GLOD4: variants seen among roughly 807,000 people sequenced by gnomAD.
The protein encoded by GLOD4 is glyoxalase domain-containing protein 4.
Under a neutral mutation model 39.1 loss-of-function variants are expected in GLOD4, and 44 were observed. The ratio of observed to expected loss-of-function variants is 1.13; its 90% CI spans 0.88 to 1.45. GLOD4 has a LOEUF of 1.45. GLOD4 is among the 40% of genes most tolerant of loss of function. The pLI, the probability that GLOD4 is intolerant of heterozygous loss-of-function variation, is 0.00. For missense variants in GLOD4, 405 were observed against 366.4 expected (o/e 1.11, Z -0.86); for synonymous variants, 145 against 135.0 (o/e 1.07, Z -0.52).
At chr17:769,989 G>T (rs780970288) in intron 7 of GLOD4, 34 bp from the exon 8 acceptor site, 1 of 1,566,094 alleles carries the variant, frequency 6.4e-7, no homozygotes, top group East Asian at 2.2e-5. Context: ...ACCTGCCAAA[G>T]ACATCCTTGA....
intron 8 of GLOD4, among the ~76,000 whole-genome samples, chr17:768,893 A>G (rs1484747769): frequency 6.8e-6 from 1 of 147,852 alleles, no homozygotes; most frequent in African/African-American, 2.5e-5. Context: ...GATGTGAGAG[A>G]GAGAAACAGC....
At chr17:761,179 G>A (rs1026880568) in intron 8 of GLOD4, among the ~76,000 whole-genome samples, 23 of 152,194 alleles carry the variant, frequency 1.5e-4, no homozygotes, top group Non-Finnish European at 3.2e-4. Context: ...ACGCATGTGT[G>A]TGTCTTGAAG....
chr17:774,199 C>A (rs190481768), intron 4 of GLOD4, among the ~76,000 whole-genome samples: 83 of 152,334 alleles, frequency 5.4e-4, no homozygotes, highest in African/African-American at 1.9e-3. Context: ...ACAGCCAAGT[C>A]TAGCCTCCCA....
Position 775,815 on chromosome 17 carries a change from T to C in GLOD4, c.366A>G (p.Gly122=). The change falls in exon 4 of 9, where the codon GGA becomes GGG. Residue 122 remains glycine, a synonymous_variant. Transcript: ENST00000301329. The part of the protein sequence containing the change: ...EGVFETEAPG[G]YKFYLQNRSL... ...TGCGATTCTGCAAATAGAACTTATATCCTCCCGGGGCCTCGGTTTCAAAAA... is the reference window on the plus strand; with the variant it reads ...TGCGATTCTGCAAATAGAACTTATACCCTCCCGGGGCCTCGGTTTCAAAAA... The C allele has an allele frequency of 6.2e-7, 1 of 1,614,050 alleles. No homozygotes were observed. Among genetic ancestry groups the C allele is most frequent in the Non-Finnish European group, 8.5e-7 (1 of 1,179,924 alleles).
At chr17:783,461 G>A (rs542123644), upstream of GLOD4, 31 of 859,056 alleles carry the variant, frequency 3.6e-5, no homozygotes, top group African/African-American at 3.6e-4. Flanking sequence ...CTCAGCCTCC[G>A]CAGTAGCTGG....
intron 3 of GLOD4, among the ~76,000 whole-genome samples, chr17:776,533 C>T (rs940712376): frequency 7.2e-5 from 11 of 152,168 alleles, no homozygotes; most frequent in Non-Finnish European, 1.0e-4. Context: ...TCATTTCACT[C>T]GGTGACTTAC....
At chr17:784,511 G>A (rs1333672740), upstream of GLOD4, among the ~76,000 whole-genome samples, 3 of 152,214 alleles carry the variant, frequency 2.0e-5, no homozygotes, top group Non-Finnish European at 2.9e-5. Flanking sequence ...CTTGTCACTT[G>A]GGGCAGGTGT....
chr17:762,464 T>G (rs1471999797), intron 8 of GLOD4, among the ~76,000 whole-genome samples: 1 of 145,060 alleles, frequency 6.9e-6, no homozygotes, highest in African/African-American at 2.6e-5. Context: ...TGAAGGGGAA[T>G]AATTTCATCA....
intron 6 of GLOD4, 37 bp from the exon 7 acceptor site, chr17:770,194 C>T: frequency 8.9e-7 from 1 of 1,129,212 alleles, no homozygotes; most frequent in Non-Finnish European, 1.3e-6. Flanking sequence ...CCAGGGGTCA[C>T]ACACTACTCA....
intron 5 of GLOD4, 47 bp from the exon 6 acceptor site, chr17:770,554 T>C (rs1907775747): frequency 2.3e-6 from 2 of 851,422 alleles, no homozygotes; most frequent in African/African-American, 3.3e-5. Context: ...TATACATTCA[T>C]TACACGTATG....
intron 4 of GLOD4, among the ~76,000 whole-genome samples, chr17:775,260 C>CAA (rs113281349): frequency 3.6e-5 from 5 of 140,834 alleles, no homozygotes; most frequent in African/African-American, 1.3e-4. Flanking sequence ...GACAGAGTCT[C>CAA]AAAAAAAAAA....
Position 780,917 on chromosome 17 carries a change from C to CTT in GLOD4, c.90+1247_90+1248dup, listed in dbSNP as rs897931602. On this transcript the variant is annotated intron_variant, in intron 1 of 8. Transcript: ENST00000301329. ...CTATACATATAATAAGGTGTTGAATCTTTTTTTTTTTTTTTTTTTTGAGAC... is the reference window on the plus strand; with the variant it reads ...CTATACATATAATAAGGTGTTGAATCTTTTTTTTTTTTTTTTTTTTTTGAGAC... Among the ~76,000 whole-genome samples the CTT allele has an allele frequency of 2.0e-3, 245 of 120,810 alleles. 1 individual carries two copies. The highest frequency in any genetic ancestry group is 6.0e-3 in the Admixed American group (67 of 11,124). The allele number at this position is 120,810 out of a possible 152,430, so 79.3% of individuals were successfully genotyped here.
At chr17:779,147 T>C (rs1909429398) in intron 1 of GLOD4, among the ~76,000 whole-genome samples, 1 of 151,674 alleles carries the variant, frequency 6.6e-6, no homozygotes, top group South Asian at 2.1e-4. Context: ...AAACCCCGTC[T>C]CAACTAAAAA....
chr17:768,722 TG>T (rs1785383654), intron 8 of GLOD4, among the ~76,000 whole-genome samples: 1 of 28,426 alleles, frequency 3.5e-5, no homozygotes, highest in African/African-American at 1.4e-4. Flanking sequence ...GGAGAGGACG[TG>T]AGAGAGAGAA....
rs928840731 is a variant in GLOD4 at position 761,793 on chromosome 17, C to T, written c.832-1555G>A. On this transcript the variant is annotated intron_variant, in intron 8 of 8. Coordinates refer to ENST00000301329, the MANE Select transcript of GLOD4 (RefSeq NM_016080.4). Reference sequence around the variant, plus strand: ...TGCTGGGATTACAGGGGTGAGCCATCGCGCCCGGCTGAACCTAAGAAAGCT... The same window carrying T: ...TGCTGGGATTACAGGGGTGAGCCATTGCGCCCGGCTGAACCTAAGAAAGCT... Among the ~76,000 whole-genome samples the T allele has an allele frequency of 3.3e-5, 5 of 152,114 alleles. No individual in the cohort carries two copies. The East Asian group carries it at 5.8e-4, about 18-fold the overall frequency.
In GLOD4 at chr17:782,214, T is replaced by A. The variant is rs1472376554; in HGVS notation, c.42A>T (p.Gly14=). ...AGAAACGCGCCGTCTGGAAGCGGTT[T>A]CCCACTTTGAATACGAAGTGCAGAG... ...RRALHFVFKV[G]NRFQTARFYR... The change falls in exon 1 of 9, where the codon GGA becomes GGT. Residue 14 remains glycine, a synonymous_variant. Transcript: ENST00000301329. The A allele has an allele frequency of 1.9e-6, 3 of 1,613,438 alleles. No homozygotes were observed. Among genetic ancestry groups the A allele is most frequent in the Non-Finnish European group, 2.5e-6 (3 of 1,179,754 alleles).
chr17:760,056 A>G lies in GLOD4; in HGVS notation c.*117T>C, dbSNP rs1905190466. 9 of 709,526 alleles carry G rather than the reference A, an allele frequency of 1.3e-5. No homozygotes were observed. Among genetic ancestry groups the G allele is most frequent in the Non-Finnish European group, 1.8e-5 (7 of 388,408 alleles). The allele number at this position is 709,526 out of a possible 1,614,324, so 44.0% of individuals were successfully genotyped here. On this transcript the variant is annotated 3_prime_UTR_variant, in exon 9 of 9. Transcript: ENST00000301329. Reference sequence around the variant, plus strand: ...TGAAATACACAAATCTGCACTACCCAAGCCTCCTTGCCTGTACGGGAAACA... The same window carrying G: ...TGAAATACACAAATCTGCACTACCCGAGCCTCCTTGCCTGTACGGGAAACA...
At position 770,050 on chromosome 17, in the gene GLOD4, G is replaced by C. The variant is rs112396332; in HGVS notation, c.738C>G (p.Ala246=). The C allele has an allele frequency of 0.012, 19,360 of 1,602,398 alleles. 148 individuals are homozygous for C. Among genetic ancestry groups the C allele is most frequent in the Non-Finnish European group, 0.015 (17,102 of 1,169,340 alleles). ...CTGCCTGAGAAATACTTACAGGGTC[G>C]GCCAGAATGACCACCTGTACTGTTG... ...GKATVQVVIL[A]DPDGHEICFV... The change falls in exon 7 of 9, where the codon GCC becomes GCG. Residue 246 remains alanine (A), a synonymous_variant. Transcript: ENST00000301329.
chr17:763,867 C>T (rs1415348610), intron 8 of GLOD4: 3 of 152,166 alleles, frequency 2.0e-5, no homozygotes, highest in Non-Finnish European at 4.4e-5. Context: ...AGTTCATAAG[C>T]TGGACTTCAC....
Sources: allele counts gnomAD v4.1 joint callset (sites outside exome capture counted in the v4.1 genomes callset), GRCh38; gene constraint gnomAD v4.1.1; transcripts MANE v1.5; gene names NCBI Gene and HGNC (gene_info 2026-07-23, HGNC 2026-07-21).